TBPL2: variants seen among roughly 807,000 people sequenced by gnomAD.
TBPL2 encodes the protein TATA box-binding protein-like 2.
Under a neutral mutation model 38.2 loss-of-function variants are expected in TBPL2, and 40 were observed. The observed-to-expected ratio is 1.05, with a 90% CI of 0.81 to 1.36. The LOEUF (loss-of-function observed/expected upper bound fraction) is 1.36. TBPL2 is among the 40% of genes most tolerant of loss of function. The pLI is 0.00. For missense variants in TBPL2, 461 were observed against 456.7 expected, an observed-to-expected ratio of 1.01 and a Z score of -0.09; for synonymous variants, 169 against 171.7, an observed-to-expected ratio of 0.98 and a Z score of 0.12.
intron 6 of TBPL2, among the ~76,000 whole-genome samples, chr14:55,423,580 ATT>A (rs1219468605): frequency 6.6e-6 from 1 of 152,232 alleles, no homozygotes; most frequent in Non-Finnish European, 1.5e-5. Flanking sequence ...CTGCTGCCTG[ATT>A]TTGTTAGCCT....
intron 5 of TBPL2, among the ~76,000 whole-genome samples, chr14:55,427,568 A>G (rs1885845177): frequency 1.3e-5 from 2 of 152,156 alleles, no homozygotes; most frequent in Non-Finnish European, 2.9e-5. Context: ...CTTGGCCAAG[A>G]GAATTTAAGA....
At chr14:55,414,796 G>T (rs1342242724) in intron 6 of TBPL2, among the ~76,000 whole-genome samples, 1 of 152,140 alleles carries the variant, frequency 6.6e-6, no homozygotes, top group Admixed American at 6.5e-5. Flanking sequence ...ACCAGCAAAA[G>T]GGACTTCTTT....
chr14:55,429,494 T>G (rs1008760212), intron 4 of TBPL2, among the ~76,000 whole-genome samples: 3 of 152,182 alleles, frequency 2.0e-5, no homozygotes, highest in African/African-American at 7.2e-5. Context: ...CTGGGCACAG[T>G]GGCTCACGCC....
chr14:55,414,246 T>A, exon 7 of TBPL2: 1 of 675,214 alleles, frequency 1.5e-6, no homozygotes. Flanking sequence ...CTTAGGTTAC[T>A]TACACAGAGT....
chr14:55,414,377 G>A (rs1463845554), exon 7 of TBPL2: 3 of 1,596,620 alleles, frequency 1.9e-6, no homozygotes, highest in South Asian at 2.3e-5. Flanking sequence ...TGAATGATAT[G>A]CTCAGGCTTT....
chr14:55,432,697 C>T (rs12879078), intron 4 of TBPL2, among the ~76,000 whole-genome samples: 45,652 of 152,000 alleles, frequency 0.3, 9,392 homozygotes, highest in African/African-American at 0.6. Flanking sequence ...CCAGTGTCCA[C>T]AGGATAAAAT....
chr14:55,428,156 G>A (rs1359438961), intron 5 of TBPL2, among the ~76,000 whole-genome samples: 4 of 53,818 alleles, frequency 7.4e-5, no homozygotes, highest in African/African-American at 2.0e-4. Context: ...TTGAGACGGA[G>A]TCTCGCTCTG....
exon 4 of TBPL2, chr14:55,433,688 G>C: frequency 6.2e-7 from 1 of 1,614,042 alleles, no homozygotes; most frequent in Non-Finnish European, 8.5e-7. Flanking sequence ...GTTGTCCTGG[G>C]CTCTCGGATC....
intron 5 of TBPL2, among the ~76,000 whole-genome samples, chr14:55,425,153 C>T (rs1271925054): frequency 6.6e-6 from 1 of 152,184 alleles, no homozygotes; most frequent in Non-Finnish European, 1.5e-5. Context: ...TCCAGAAAGG[C>T]GCATCTTGAA....
At chr14:55,414,893 TTA>T (rs1364035417) in intron 6 of TBPL2, among the ~76,000 whole-genome samples, 4 of 152,218 alleles carry the variant, frequency 2.6e-5, no homozygotes, top group African/African-American at 4.8e-5. Flanking sequence ...GTTTTAAATT[TTA>T]GTTTAAAATT....
At chr14:55,431,885 A>G (rs533361981) in intron 4 of TBPL2, among the ~76,000 whole-genome samples, 13 of 152,352 alleles carry the variant, frequency 8.5e-5, no homozygotes, top group African/African-American at 3.1e-4. Flanking sequence ...CATTGCATTA[A>G]ACAGTGCAGA....
intron 4 of TBPL2, among the ~76,000 whole-genome samples, chr14:55,432,314 G>A (rs1885942244): frequency 6.7e-6 from 1 of 149,828 alleles, no homozygotes; most frequent in Non-Finnish European, 1.5e-5. Context: ...TTAAGAGGCC[G>A]AGCTGGAAGG....
exon 7 of TBPL2, chr14:55,414,334 TG>T: frequency 7.1e-7 from 1 of 1,408,636 alleles, no homozygotes; most frequent in Non-Finnish European, 9.9e-7. Context: ...GCTGGGCTTA[TG>T]GACATATTCA....
intron 6 of TBPL2, among the ~76,000 whole-genome samples, chr14:55,420,977 C>T (rs1185720311): frequency 1.4e-5 from 2 of 146,696 alleles, no homozygotes; most frequent in Non-Finnish European, 3.0e-5. Flanking sequence ...AGGAGAATGG[C>T]GTGAACCCGG....
intron 4 of TBPL2, among the ~76,000 whole-genome samples, chr14:55,433,036 A>T (rs1885956941): frequency 1.3e-5 from 2 of 152,110 alleles, no homozygotes; most frequent in Non-Finnish European, 2.9e-5. Context: ...ACTGTAACTT[A>T]AAAAAAATTC....
In TBPL2 at chr14:55,420,511, A is replaced by G. The variant is rs768802550; in HGVS notation, c.1051+3648T>C. ...GCATGAACAGGTAAAACGCCAAGAG[A>G]TGATAATTATTTATCATTTCAGTAG... On this transcript the variant is annotated intron_variant, in intron 6 of 6. Coordinates refer to ENST00000247219, the Ensembl canonical transcript of TBPL2. Among the ~76,000 whole-genome samples the G allele has an allele frequency of 2.5e-4, 31 of 125,026 alleles. 1 individual carries two copies. Among genetic ancestry groups the G allele is most frequent in the Non-Finnish European group, 5.0e-4 (28 of 55,514 alleles). 82.0% of individuals were successfully genotyped at this position (125,026 alleles called of 152,430 possible). A position where few individuals can be genotyped will look rare whatever the true frequency, so the allele number is the denominator to read the frequency against.
chr14:55,428,195 G>C (rs1885862594), intron 5 of TBPL2, among the ~76,000 whole-genome samples: 1 of 137,604 alleles, frequency 7.3e-6, no homozygotes, highest in African/African-American at 2.7e-5. Flanking sequence ...AGTGGCGCGA[G>C]GTCGGCTCAC....
At chr14:55,419,187 G>C (rs572518312) in intron 6 of TBPL2, among the ~76,000 whole-genome samples, 9 of 152,370 alleles carry the variant, frequency 5.9e-5, no homozygotes, top group Admixed American at 5.9e-4. Context: ...GGGCTCTGGA[G>C]CCTGGCTCCT....
intron 5 of TBPL2, among the ~76,000 whole-genome samples, chr14:55,425,142 C>T (rs1312501666): frequency 1.3e-5 from 2 of 152,220 alleles, no homozygotes; most frequent in Non-Finnish European, 2.9e-5. Context: ...CTTTTACTGG[C>T]TCCAGAAAGG....
Sources: gnomAD v4.1 joint callset for allele counts (sites outside exome capture counted in the v4.1 genomes callset) on GRCh38, gnomAD v4.1.1 for gene constraint, MANE v1.5 for transcripts, NCBI Gene and HGNC (gene_info 2026-07-23, HGNC 2026-07-21) for gene names.